DLG2: variants seen among roughly 807,000 people sequenced by gnomAD.
The protein encoded by DLG2 is disks large homolog 2.
A neutral mutation model predicts 132.5 loss-of-function variants in DLG2; 45 were observed. The observed-to-expected ratio is 0.34, with a 90% CI of 0.27 to 0.44. The LOEUF (loss-of-function observed/expected upper bound fraction) is 0.44, where lower values mean the gene tolerates loss of function less well. Ranked by LOEUF, DLG2 falls within the 20% of genes least tolerant of loss-of-function variation. The probability of loss-of-function intolerance (pLI) is 1.00; values close to 1 mark genes in which losing one functional copy is unlikely to be tolerated. For missense variants in DLG2, 1,045 were observed against 1,196.9 expected (o/e 0.87, Z 1.87); for synonymous variants, 424 against 419.6 (o/e 1.01, Z -0.13).
chr11:85,181,765 A>G (rs2079719519), intron 4 of DLG2, among the ~76,000 whole-genome samples: 1 of 151,856 alleles, frequency 6.6e-6, no homozygotes, highest in South Asian at 2.1e-4. Context: ...GTTTTCCAGT[A>G]GATAAAATAA....
At chr11:84,970,440 A>C (rs1411352908) in intron 6 of DLG2, among the ~76,000 whole-genome samples, 1 of 152,202 alleles carries the variant, frequency 6.6e-6, no homozygotes, top group Non-Finnish European at 1.5e-5. Flanking sequence ...ATAACAAAAT[A>C]CCATAAACCG....
At chr11:84,659,807 A>C (rs1170741596) in intron 6 of DLG2, among the ~76,000 whole-genome samples, 1 of 152,126 alleles carries the variant, frequency 6.6e-6, no homozygotes, top group Non-Finnish European at 1.5e-5. Flanking sequence ...TTTATCATTC[A>C]CTAGAAAGAC....
chr11:84,079,686 T>C (rs749302823), intron 10 of DLG2, among the ~76,000 whole-genome samples: 3 of 152,190 alleles, frequency 2.0e-5, no homozygotes, highest in Non-Finnish European at 4.4e-5. Flanking sequence ...GTTTTGTCAT[T>C]TCCCACATTG....
intron 18 of DLG2, among the ~76,000 whole-genome samples, chr11:83,752,084 C>T (rs909965102): frequency 4.6e-5 from 7 of 151,984 alleles, no homozygotes; most frequent in Non-Finnish European, 7.4e-5. Context: ...CTGGCTAACA[C>T]GGTGAAACCC....
intron 14 of DLG2, among the ~76,000 whole-genome samples, chr11:83,955,337 T>C (rs1480004777): frequency 6.6e-6 from 1 of 152,222 alleles, no homozygotes; most frequent in East Asian, 1.9e-4. Context: ...TCTGTTATTC[T>C]ACTGTAATTC....
At chr11:84,552,974 C>T (rs1041925137) in intron 6 of DLG2, among the ~76,000 whole-genome samples, 1 of 152,104 alleles carries the variant, frequency 6.6e-6, no homozygotes, top group Non-Finnish European at 1.5e-5. Flanking sequence ...ATTTTTTTCA[C>T]TCATTTGCAT....
chr11:84,736,219 T>C (rs1469250457), intron 6 of DLG2, among the ~76,000 whole-genome samples: 1 of 151,996 alleles, frequency 6.6e-6, no homozygotes, highest in African/African-American at 2.4e-5. Flanking sequence ...GACTCTCCAT[T>C]CTATTAATCT....
At chr11:84,341,103 G>C (rs1724053828) in intron 7 of DLG2, among the ~76,000 whole-genome samples, 1 of 152,134 alleles carries the variant, frequency 6.6e-6, no homozygotes, top group African/African-American at 2.4e-5. Context: ...GGGGATTCAG[G>C]CTTTGAGGTC....
chr11:83,627,364 C>T (rs958723711), intron 19 of DLG2, among the ~76,000 whole-genome samples: 1 of 151,782 alleles, frequency 6.6e-6, no homozygotes. Flanking sequence ...CCCTCTTCCC[C>T]CACCCCACCC....
chr11:83,922,832 G>A (rs1328877000), intron 15 of DLG2, among the ~76,000 whole-genome samples: 1 of 152,072 alleles, frequency 6.6e-6, no homozygotes, highest in African/African-American at 2.4e-5. Flanking sequence ...GAGATTATTA[G>A]AAACAATAAA....
intron 18 of DLG2, among the ~76,000 whole-genome samples, chr11:83,654,979 T>G (rs903784110): frequency 6.6e-6 from 1 of 152,056 alleles, no homozygotes; most frequent in Non-Finnish European, 1.5e-5. Context: ...TGTATCAGGG[T>G]GTTGTAAGAT....
intron 4 of DLG2, among the ~76,000 whole-genome samples, chr11:85,197,000 G>A (rs967761137): frequency 1.3e-5 from 2 of 152,110 alleles, no homozygotes; most frequent in African/African-American, 2.4e-5. Context: ...CAACAGAATA[G>A]CTACATTTAT....
intron 7 of DLG2, among the ~76,000 whole-genome samples, chr11:84,425,449 C>T (rs2098963291): frequency 6.6e-6 from 1 of 152,030 alleles, no homozygotes; most frequent in African/African-American, 2.4e-5. Context: ...TTTCAAAACA[C>T]TCACTAAAGA....
At chr11:83,531,857 G>A (rs117159938) in intron 21 of DLG2, among the ~76,000 whole-genome samples, 6,936 of 148,550 alleles carry the variant, frequency 0.047, 169 homozygotes, top group Middle Eastern at 0.072. Flanking sequence ...ACACAAACAC[G>A]TCTTGAAAAC....
chr11:83,872,615 G>A (rs1369372313), intron 16 of DLG2, among the ~76,000 whole-genome samples: 1 of 152,182 alleles, frequency 6.6e-6, no homozygotes, highest in East Asian at 1.9e-4. Context: ...GTCAACTACA[G>A]AGTTCCTCTA....
rs553690534 is a variant in DLG2 at position 85,467,865 on chromosome 11, G to A, written c.40+130792C>T. 1.0e-3 allele frequency among the ~76,000 whole-genome samples: 155 copies of A among 152,296 alleles called. No individual in the cohort carries two copies. In the Middle Eastern group the frequency reaches 0.01, roughly 10 times the overall value. Reference sequence around the variant, plus strand: ...GGATTCCCTCTTTTTCTACTCATTGGAATAATTTCAGAAGTAATGCTACCA... The same window carrying A: ...GGATTCCCTCTTTTTCTACTCATTGAAATAATTTCAGAAGTAATGCTACCA... On this transcript the variant is annotated intron_variant, in intron 3 of 27. Transcript: ENST00000376104.
At chr11:83,821,393 C>T (rs1457398498) in intron 17 of DLG2, among the ~76,000 whole-genome samples, 1 of 152,100 alleles carries the variant, frequency 6.6e-6, no homozygotes, top group Non-Finnish European at 1.5e-5. Context: ...TAAGATGATA[C>T]TTGGAATTAA....
chr11:85,072,420 T>A (rs781013649), intron 6 of DLG2, among the ~76,000 whole-genome samples: 1 of 151,884 alleles, frequency 6.6e-6, no homozygotes, highest in Non-Finnish European at 1.5e-5. Context: ...CCCAGGGATA[T>A]AAAACTTTAA....
rs575219451 is a variant in DLG2 at position 83,827,554 on chromosome 11, G to A, written c.1722+6060C>T. On this transcript the variant is annotated intron_variant, in intron 17 of 27. Coordinates refer to ENST00000376104, the MANE Select transcript of DLG2 (RefSeq NM_001142699.3). The stretch of plus-strand genomic sequence containing the variant: ...TCTGGCAATACATATTCCCAATCAC[G>A]TATCTTGAAACACACTTTGTTAAAT... Among the ~76,000 whole-genome samples, 3 of 152,198 alleles carry A rather than the reference G, an allele frequency of 2.0e-5. No homozygotes were observed. The East Asian group carries it at 5.8e-4, about 29-fold the overall frequency.
Sources: gnomAD v4.1 joint callset for allele counts (sites outside exome capture counted in the v4.1 genomes callset) on GRCh38, gnomAD v4.1.1 for gene constraint, MANE v1.5 for transcripts, NCBI Gene and HGNC (gene_info 2026-07-23, HGNC 2026-07-21) for gene names.